Variants in B3GALT1 observed in about 807,000 individuals in gnomAD.
B3GALT1 encodes the protein beta-1,3-galactosyltransferase 1, also known as UDP-Gal:betaGlcNAc beta 1,3-galactosyltransferase, polypeptide 1.
In B3GALT1, 10 loss-of-function variants were observed where a neutral mutation model predicts 23.2. The ratio of observed to expected loss-of-function variants is 0.43; its 90% CI spans 0.27 to 0.73. The LOEUF (loss-of-function observed/expected upper bound fraction) is 0.73. B3GALT1 is among the 30% of genes least tolerant of loss of function. The pLI, the probability that B3GALT1 is intolerant of heterozygous loss-of-function variation, is 0.21. For missense variants in B3GALT1, 299 were observed against 405.4 expected, an observed-to-expected ratio of 0.74 and a Z score of 2.25; for synonymous variants, 156 against 141.5, an observed-to-expected ratio of 1.10 and a Z score of -0.73.
rs186076765 is a variant in B3GALT1, at chr2:167,695,312, A to G, written c.-352+48346A>G. ...ATTTCCTGGCTGTTTCTTACTAATC[A>G]TTCCCCAAGTGATTAATTATTGGTT... On this transcript the variant is annotated intron_variant, in intron 3 of 4. Transcript: ENST00000392690. 2.8e-3 allele frequency among the ~76,000 whole-genome samples: 427 copies of G among 152,224 alleles called. 4 individuals carry two copies. The highest frequency in any genetic ancestry group is 9.9e-3 in the African/African-American group (411 of 41,568).
chr2:167,515,337 C>T (rs765167437), intron 2 of B3GALT1, among the ~76,000 whole-genome samples: 11 of 152,112 alleles, frequency 7.2e-5, no homozygotes, highest in Non-Finnish European at 1.2e-4. Flanking sequence ...TAAGGCCAAT[C>T]AAGCATCCTT....
At chr2:167,403,266 T>TG (rs1698222649) in intron 1 of B3GALT1, among the ~76,000 whole-genome samples, 1 of 21,298 alleles carries the variant, frequency 4.7e-5, no homozygotes, top group African/African-American at 6.4e-5. Context: ...AGTGAGAACT[T>TG]GCGGTGTTTG....
chr2:167,471,824 A>G (rs1421711331), intron 1 of B3GALT1, among the ~76,000 whole-genome samples: 1 of 152,142 alleles, frequency 6.6e-6, no homozygotes, highest in Middle Eastern at 3.2e-3. Context: ...CCATAATACT[A>G]TGGCTGGGCT....
intron 3 of B3GALT1, among the ~76,000 whole-genome samples, chr2:167,666,878 C>T (rs1311487899): frequency 6.6e-6 from 1 of 152,186 alleles, no homozygotes; most frequent in Non-Finnish European, 1.5e-5. Flanking sequence ...GAATACAGCA[C>T]ACTGAAGAGT....
At chr2:167,768,525 C>A (rs990197419) in intron 3 of B3GALT1, among the ~76,000 whole-genome samples, 1 of 152,136 alleles carries the variant, frequency 6.6e-6, no homozygotes, top group Non-Finnish European at 1.5e-5. Flanking sequence ...AGTGCAGAGG[C>A]TATGGGATGA....
intron 3 of B3GALT1, among the ~76,000 whole-genome samples, chr2:167,784,677 T>A (rs1688312368): frequency 6.6e-6 from 1 of 152,212 alleles, no homozygotes; most frequent in Non-Finnish European, 1.5e-5. Flanking sequence ...TAATAAAGTC[T>A]GTGGCAATGA....
At chr2:167,543,584 A>G (rs1558898929) in intron 2 of B3GALT1, among the ~76,000 whole-genome samples, 2 of 152,246 alleles carry the variant, frequency 1.3e-5, no homozygotes, top group East Asian at 3.8e-4. Context: ...TCACTGAGCT[A>G]TATGTATATA....
intron 2 of B3GALT1, among the ~76,000 whole-genome samples, chr2:167,626,350 G>GTAAGTAAGTAAGTAAGT (rs1685345949): frequency 1.3e-5 from 2 of 151,484 alleles, no homozygotes; most frequent in Non-Finnish European, 3.0e-5. Context: ...CTCACAGTAA[G>GTAAGTAAGTAAGTAAGT]AAGCTTTGCA....
intron 1 of B3GALT1, among the ~76,000 whole-genome samples, chr2:167,441,030 T>G (rs1252064813): frequency 6.6e-6 from 1 of 152,214 alleles, no homozygotes; most frequent in Non-Finnish European, 1.5e-5. Flanking sequence ...CTGTACTAGT[T>G]GCTAGACTGG....
At chr2:167,640,718 C>T (rs111621606) in intron 2 of B3GALT1, among the ~76,000 whole-genome samples, 9 of 151,980 alleles carry the variant, frequency 5.9e-5, no homozygotes, top group East Asian at 1.9e-4. Flanking sequence ...AGGCATATTT[C>T]GCAGGAAAAT....
chr2:167,825,174 C>T (rs770802633), intron 4 of B3GALT1, among the ~76,000 whole-genome samples: 13 of 151,228 alleles, frequency 8.6e-5, no homozygotes, highest in Non-Finnish European at 1.5e-4. Flanking sequence ...AGTCCAGCTG[C>T]TCAGGAGGCT....
intron 1 of B3GALT1, among the ~76,000 whole-genome samples, chr2:167,444,841 A>G (rs1234827889): frequency 2.0e-5 from 3 of 151,850 alleles, no homozygotes; most frequent in Non-Finnish European, 2.9e-5. Flanking sequence ...GATTTTTTGA[A>G]GAGTTTTTTG....
At chr2:167,419,919 A>T (rs1366922625) in intron 1 of B3GALT1, among the ~76,000 whole-genome samples, 3 of 152,210 alleles carry the variant, frequency 2.0e-5, no homozygotes, top group African/African-American at 7.2e-5. Flanking sequence ...CCACTGCTAT[A>T]ATGAGAGTAG....
At chr2:167,645,289 C>A (rs1484554348) in intron 2 of B3GALT1, among the ~76,000 whole-genome samples, 1 of 152,142 alleles carries the variant, frequency 6.6e-6, no homozygotes, top group Non-Finnish European at 1.5e-5. Context: ...ACAAGAATTA[C>A]TCTAATGGAA....
chr2:167,364,637 C>A (rs1028513779), intron 1 of B3GALT1, among the ~76,000 whole-genome samples: 1 of 152,052 alleles, frequency 6.6e-6, no homozygotes, highest in African/African-American at 2.4e-5. Flanking sequence ...TGGTTTCCAG[C>A]GTCATCCATG....
At position 167,872,996 on chromosome 2, in the gene B3GALT1, T is replaced by C. The variant is rs1690382023; in HGVS notation, c.*2976T>C. On this transcript the variant is annotated 3_prime_UTR_variant, in exon 5 of 5. Coordinates refer to ENST00000392690, the MANE Select transcript of B3GALT1 (RefSeq NM_020981.4). Reference sequence around the variant, plus strand: ...GTTTTTTGAATGTTCAAAAAATGTTTAAGTGATCAAGAAAAAGCTCTAACT... The same window carrying C: ...GTTTTTTGAATGTTCAAAAAATGTTCAAGTGATCAAGAAAAAGCTCTAACT... The C allele has an allele frequency of 6.6e-6, 1 of 152,220 alleles. No homozygotes were observed. Among genetic ancestry groups the C allele is most frequent in the African/African-American group, 2.4e-5 (1 of 41,452 alleles). 9.4% of individuals were successfully genotyped at this position (152,220 alleles called of 1,614,324 possible).
intron 1 of B3GALT1, among the ~76,000 whole-genome samples, chr2:167,421,532 A>G (rs1698547099): frequency 6.6e-6 from 1 of 152,214 alleles, no homozygotes. Context: ...GAGCAGATGA[A>G]TACTGGAATT....
At position 167,365,458 on chromosome 2, in the gene B3GALT1, T is replaced by C. The variant is rs1697570968; in HGVS notation, c.-511+72124T>C. ...GGCTCTAGCATATCTGTTCTTGTTG[T>C]TGCTGCTGCTTCTGCTGTCATAATG... On this transcript the variant is annotated intron_variant, in intron 1 of 4. Transcript: ENST00000392690. Among the ~76,000 whole-genome samples the C allele has an allele frequency of 1.3e-5, 2 of 152,134 alleles. 1 individual carries two copies. The highest frequency in any genetic ancestry group is 1.3e-4 in the Admixed American group (2 of 15,274).
chr2:167,840,690 G>C (rs1431749130), intron 4 of B3GALT1, among the ~76,000 whole-genome samples: 6 of 151,764 alleles, frequency 4.0e-5, no homozygotes, highest in African/African-American at 1.5e-4. Context: ...ATACCCAAAG[G>C]ATTATAAATC....
Sources: allele counts gnomAD v4.1 joint callset (sites outside exome capture counted in the v4.1 genomes callset), GRCh38; gene constraint gnomAD v4.1.1; transcripts MANE v1.5; gene names NCBI Gene and HGNC (gene_info 2026-07-23, HGNC 2026-07-21).